Variants in EBF4 observed in about 807,000 individuals in gnomAD.
The protein encoded by EBF4 is EBF transcription factor 4.
A neutral mutation model predicts 67.1 loss-of-function variants in EBF4; 34 were observed. The observed-to-expected ratio is 0.51, with a 90% confidence interval of 0.39 to 0.67. The LOEUF (loss-of-function observed/expected upper bound fraction) is 0.67. EBF4 is among the 30% of genes least tolerant of loss of function. EBF4 has a pLI of 0.00. For synonymous variants in EBF4, 387 were observed against 377.7 expected (o/e 1.02, Z -0.29); for missense variants, 837 against 873.3 (o/e 0.96, Z 0.52).
In EBF4 at chr20:2,735,078, T is replaced by A. The variant is rs533694342; in HGVS notation, c.558-13471T>A. ...TTTATTTGCCCCCAACTTGTATTGC[T>A]GCCTCATGTAGCTGCAATGTTAAGC... On this transcript the variant is annotated intron_variant, in intron 6 of 16. Coordinates refer to ENST00000609451, the Ensembl canonical transcript of EBF4. 2.0e-5 allele frequency among the ~76,000 whole-genome samples: 3 copies of A among 152,348 alleles called. No individual in the cohort carries two copies. In the South Asian group the frequency reaches 6.2e-4, roughly 32 times the overall value.
In EBF4 at chr20:2,713,977, T is replaced by C. The variant is rs1003836841; in HGVS notation, c.557+4335T>C. On this transcript the variant is annotated intron_variant, in intron 6 of 16. Coordinates refer to ENST00000609451, the Ensembl canonical transcript of EBF4. ...GAATAATTATCTGTCTATACTGACATTGAAATAACCAAGAATTATGACAGG... is the reference window on the plus strand; with the variant it reads ...GAATAATTATCTGTCTATACTGACACTGAAATAACCAAGAATTATGACAGG... 2.6e-5 allele frequency among the ~76,000 whole-genome samples: 4 copies of C among 152,280 alleles called. No individual in the cohort carries two copies. In the East Asian group the frequency reaches 7.7e-4, roughly 29 times the overall value.
At chr20:2,752,776 C>T (rs896010246) in intron 14 of EBF4, among the ~76,000 whole-genome samples, 3 of 152,246 alleles carry the variant, frequency 2.0e-5, no homozygotes, top group Non-Finnish European at 4.4e-5. Context: ...GTACTCCGTG[C>T]ACTTTTAGCC....
Position 2,755,373 on chromosome 20 carries a change from G to T in EBF4, c.1541-254G>T, listed in dbSNP as rs952988023. ...GTACCTCCCACTGTTTGTTTTTTTT[G>T]AATGTTCTGGTTTTGCTTTTGTCTT... On this transcript the variant is annotated intron_variant, in intron 14 of 16. Transcript: ENST00000609451. The surrounding 1 kb of genome is among the most constrained non-coding windows in gnomAD (Gnocchi z 4.7). 6 of 479,298 alleles carry T rather than the reference G, an allele frequency of 1.3e-5. No homozygotes were observed. The highest frequency in any genetic ancestry group is 3.7e-5 in the South Asian group (1 of 26,668). The allele number at this position is 479,298 out of a possible 1,614,324, so 29.7% of individuals were successfully genotyped here. A position where few individuals can be genotyped will look rare whatever the true frequency, so the allele number is the denominator to read the frequency against.
chr20:2,703,639 C>T (rs986172083), intron 1 of EBF4, among the ~76,000 whole-genome samples: 53 of 145,036 alleles, frequency 3.7e-4, no homozygotes, highest in Non-Finnish European at 5.5e-4. Context: ...CTCCAGCCTG[C>T]GTGACAGAGT....
intron 1 of EBF4, among the ~76,000 whole-genome samples, chr20:2,702,428 A>T (rs1443401390): frequency 1.1e-5 from 1 of 93,280 alleles, no homozygotes; most frequent in Admixed American, 1.0e-4. Flanking sequence ...ATCCTGTCTC[A>T]AAAAAAAAAA....
intron 6 of EBF4, among the ~76,000 whole-genome samples, chr20:2,743,309 C>G (rs528641556): frequency 1.7e-4 from 26 of 152,290 alleles, no homozygotes; most frequent in African/African-American, 6.3e-4. Flanking sequence ...CCCGGAGGGT[C>G]GGCAGTCTCT....
At chr20:2,730,988 T>A (rs1448176325) in intron 6 of EBF4, among the ~76,000 whole-genome samples, 1 of 152,150 alleles carries the variant, frequency 6.6e-6, no homozygotes, top group Non-Finnish European at 1.5e-5. Flanking sequence ...AACCTCCACC[T>A]CCAGGGTTCA....
Position 2,755,603 on chromosome 20 carries a change from G to GCCCCCC in EBF4, c.1541-20_1541-19insCCCCCC. The GCCCCCC allele has an allele frequency of 1.9e-6, 2 of 1,077,730 alleles. No homozygotes were observed. The highest frequency in any genetic ancestry group is 2.8e-6 in the Non-Finnish European group (2 of 723,208). The allele number at this position is 1,077,730 out of a possible 1,614,324, so 66.8% of individuals were successfully genotyped here. A position where few individuals can be genotyped will look rare whatever the true frequency, so the allele number is the denominator to read the frequency against. ...TCCCACCACCTTCCCTGCTGCGCCT[G>GCCCCCC]CCCCTCCCCGCCCCGCCCCGGAGTC... On this transcript the variant is annotated intron_variant, in intron 14 of 16. Transcript: ENST00000609451. The surrounding 1 kb of genome is among the most constrained non-coding windows in gnomAD (Gnocchi z 4.7).
chr20:2,703,946 G>C (rs898980261), intron 1 of EBF4, among the ~76,000 whole-genome samples: 1 of 152,098 alleles, frequency 6.6e-6, no homozygotes, highest in African/African-American at 2.4e-5. Context: ...GTCAGGGCTG[G>C]CTATCGGCAG....
chr20:2,723,512 G>A lies in EBF4; in HGVS notation c.557+13870G>A, dbSNP rs536773412. 2.5e-3 allele frequency among the ~76,000 whole-genome samples: 382 copies of A among 152,006 alleles called. 1 individual carries two copies. The highest frequency in any genetic ancestry group is 8.8e-3 in the African/African-American group (365 of 41,404). ...ACTACAGGCGCCGCCACCACGCCCG[G>A]CTAATTTTTTGTATTTTTAATAGAG... On this transcript the variant is annotated intron_variant, in intron 6 of 16. Coordinates refer to ENST00000609451, the Ensembl canonical transcript of EBF4.
chr20:2,709,001 C>T (rs6037383), intron 5 of EBF4, among the ~76,000 whole-genome samples: 24,866 of 152,020 alleles, frequency 0.16, 2,148 homozygotes, highest in East Asian at 0.27. Context: ...GCCTGGCCAA[C>T]GTGGTGAAAC....
chr20:2,736,896 G>A (rs1045511671), intron 6 of EBF4, among the ~76,000 whole-genome samples: 4 of 152,192 alleles, frequency 2.6e-5, no homozygotes, highest in Non-Finnish European at 5.9e-5. Flanking sequence ...CAAGCTTAGG[G>A]CCAGACTGGC....
At chr20:2,716,689 A>G (rs2087615443) in intron 6 of EBF4, among the ~76,000 whole-genome samples, 1 of 152,228 alleles carries the variant, frequency 6.6e-6, no homozygotes. Flanking sequence ...ATTATTTTTT[A>G]CTTAGGAACT....
At chr20:2,700,191 A>G (rs527658773) in intron 1 of EBF4, among the ~76,000 whole-genome samples, 97 of 152,246 alleles carry the variant, frequency 6.4e-4, no homozygotes, top group Non-Finnish European at 1.2e-3. Context: ...AGGTGCCTAC[A>G]GTGGGGACTT....
chr20:2,754,550 G>A (rs1225385733), intron 14 of EBF4, among the ~76,000 whole-genome samples: 1 of 152,190 alleles, frequency 6.6e-6, no homozygotes, highest in Non-Finnish European at 1.5e-5. Context: ...TTTGGAAGAG[G>A]GGCAGCTGTT....
At chr20:2,693,436 CGCCCCAGGAGGGGA>C (rs2087240299), upstream of EBF4, 2 of 450,364 alleles carry the variant, frequency 4.4e-6, no homozygotes, top group African/African-American at 4.0e-5. This position sits in a 1 kb window ranked among gnomAD's most constrained non-coding sequence, Gnocchi z 4.6. Flanking sequence ...CCCCGCCCAG[CGCCCCAGGAGGGGA>C]GGGGACAGCG....
chr20:2,694,323 G>A (rs1367421589), intron 1 of EBF4, among the ~76,000 whole-genome samples: 1 of 152,182 alleles, frequency 6.6e-6, no homozygotes, highest in Non-Finnish European at 1.5e-5. Flanking sequence ...CGGCCTGGCT[G>A]GACTGATTGG....
intron 6 of EBF4, among the ~76,000 whole-genome samples, chr20:2,741,513 A>G (rs193230339): frequency 4.6e-5 from 7 of 152,260 alleles, no homozygotes; most frequent in African/African-American, 1.7e-4. Context: ...CTTTAGCCAT[A>G]CTCAACCCAG....
intron 6 of EBF4, among the ~76,000 whole-genome samples, chr20:2,720,196 A>C (rs940298559): frequency 6.6e-6 from 1 of 152,180 alleles, no homozygotes; most frequent in African/African-American, 2.4e-5. Flanking sequence ...TCCCAGGTTC[A>C]AGCAATTTTC....
Sources: allele counts gnomAD v4.1 joint callset (sites outside exome capture counted in the v4.1 genomes callset), GRCh38; gene constraint gnomAD v4.1.1; non-coding constraint Gnocchi (gnomAD v3.1); transcripts MANE v1.5; gene names NCBI Gene and HGNC (gene_info 2026-07-23, HGNC 2026-07-21).